CRPPA: variants seen among roughly 807,000 people sequenced by gnomAD.
The protein encoded by CRPPA is CDP-L-ribitol pyrophosphorylase A, also known as D-ribitol-5-phosphate cytidylyltransferase.
Under a neutral mutation model 52.0 loss-of-function variants are expected in CRPPA, and 43 were observed. The observed-to-expected ratio is 0.83, with a 90% CI of 0.65 to 1.07. CRPPA has a LOEUF of 1.07. Ranked by LOEUF, CRPPA falls within the 50% of genes least tolerant of loss-of-function variation. The pLI is 0.00. For missense variants in CRPPA, 629 were observed against 551.7 expected (o/e 1.14, Z -1.40); for synonymous variants, 250 against 203.5 (o/e 1.23, Z -1.94).
chr7:16,406,541 G>A (rs1331946570), intron 1 of CRPPA, among the ~76,000 whole-genome samples: 3 of 152,134 alleles, frequency 2.0e-5, no homozygotes, highest in African/African-American at 7.2e-5. Context: ...TATAGCTCTA[G>A]ATAGTGTTTC....
chr7:16,266,760 C>T (rs1346985719), intron 6 of CRPPA, among the ~76,000 whole-genome samples: 1 of 152,150 alleles, frequency 6.6e-6, no homozygotes, highest in Non-Finnish European at 1.5e-5. Flanking sequence ...ATTACAGGCA[C>T]GAGCCACCGT....
intron 8 of CRPPA, among the ~76,000 whole-genome samples, chr7:16,243,735 G>A (rs1783191234): frequency 6.6e-6 from 1 of 152,172 alleles, no homozygotes; most frequent in South Asian, 2.1e-4. Flanking sequence ...GGAGGCCAAG[G>A]TGGAAAGATT....
At position 16,241,970 on chromosome 7, in the gene CRPPA, T is replaced by TTTTTTTTTTG. The variant is rs1241010922; in HGVS notation, c.1119+16419_1119+16420insCAAAAAAAAA. 1.4e-3 allele frequency among the ~76,000 whole-genome samples: 145 copies of TTTTTTTTTTG among 104,900 alleles called. 11 individuals are homozygous for TTTTTTTTTTG. The highest frequency in any genetic ancestry group is 2.2e-3 in the Non-Finnish European group (117 of 53,594). The allele number at this position is 104,900 out of a possible 152,430, so 68.8% of individuals were successfully genotyped here. A position where few individuals can be genotyped will look rare whatever the true frequency, so the allele number is the denominator to read the frequency against. On this transcript the variant is annotated intron_variant, in intron 8 of 9. Transcript: ENST00000407010. ...TCTTTTTTTTTTTTTTTTTTTTTTGTTGGGGGGAGATAGAGTCTCGCTCTG... is the reference window on the plus strand; with the variant it reads ...TCTTTTTTTTTTTTTTTTTTTTTTGTTTTTTTTTTGTGGGGGGAGATAGAGTCTCGCTCTG...
intron 2 of CRPPA, among the ~76,000 whole-genome samples, chr7:16,389,252 G>A (rs1787375233): frequency 6.6e-6 from 1 of 152,102 alleles, no homozygotes; most frequent in South Asian, 2.1e-4. Context: ...CATTCTGTAA[G>A]ACCAGTATTA....
chr7:16,367,990 A>C (rs1786654313), intron 3 of CRPPA, among the ~76,000 whole-genome samples: 1 of 152,138 alleles, frequency 6.6e-6, no homozygotes, highest in Non-Finnish European at 1.5e-5. Flanking sequence ...ATTTTCATTC[A>C]AACCTAATTG....
intron 3 of CRPPA, among the ~76,000 whole-genome samples, chr7:16,370,260 A>C (rs1786714465): frequency 6.6e-6 from 1 of 152,208 alleles, no homozygotes; most frequent in South Asian, 2.1e-4. Flanking sequence ...CACAGATAGG[A>C]GTGCAGGATC....
chr7:16,165,886 T>G (rs897296634), intron 9 of CRPPA, among the ~76,000 whole-genome samples: 2 of 152,242 alleles, frequency 1.3e-5, no homozygotes, highest in Non-Finnish European at 2.9e-5. Context: ...TTTCAACCTG[T>G]AAAATCTTCC....
At chr7:16,164,672 T>C (rs1317755749) in intron 9 of CRPPA, among the ~76,000 whole-genome samples, 1 of 152,178 alleles carries the variant, frequency 6.6e-6, no homozygotes, top group Non-Finnish European at 1.5e-5. Context: ...TTGATGTTGG[T>C]GACTTTCGGA....
chr7:16,164,923 C>A (rs913201471), intron 9 of CRPPA, among the ~76,000 whole-genome samples: 3 of 151,998 alleles, frequency 2.0e-5, no homozygotes, highest in Admixed American at 6.5e-5. Context: ...CCAGAGCCCT[C>A]CTGTAGGAGG....
chr7:16,354,188 A>G (rs1786236958), intron 3 of CRPPA, among the ~76,000 whole-genome samples: 1 of 152,204 alleles, frequency 6.6e-6, no homozygotes, highest in African/African-American at 2.4e-5. Flanking sequence ...GAAACAAATG[A>G]TGGCAAGAAT....
At position 16,421,324 on chromosome 7, in the gene CRPPA, G is replaced by A; in HGVS notation, c.-2C>T. ...GCTGCCCGGCGGCCCGGCCTCCATGGCTGCGGGCGGAACGGCGAGCCCCGC... is the reference window on the plus strand; with the variant it reads ...GCTGCCCGGCGGCCCGGCCTCCATGACTGCGGGCGGAACGGCGAGCCCCGC... On this transcript the variant is annotated 5_prime_UTR_variant, in exon 1 of 10. Coordinates refer to ENST00000407010, the MANE Select transcript of CRPPA (RefSeq NM_001101426.4). 1 of 1,248,820 alleles carries A rather than the reference G, an allele frequency of 8.0e-7. No individual in the cohort carries two copies. Among genetic ancestry groups the A allele is most frequent in the Non-Finnish European group, 1.0e-6 (1 of 993,486 alleles). The allele number at this position is 1,248,820 out of a possible 1,614,324, so 77.4% of individuals were successfully genotyped here.
At chr7:16,353,623 G>A (rs185769695) in intron 3 of CRPPA, among the ~76,000 whole-genome samples, 33 of 152,288 alleles carry the variant, frequency 2.2e-4, no homozygotes, top group South Asian at 4.1e-4. Context: ...GCCAAGGCGG[G>A]TGGATCACCT....
chr7:16,148,814 T>C (rs1324504291), intron 9 of CRPPA, among the ~76,000 whole-genome samples: 2 of 152,088 alleles, frequency 1.3e-5, no homozygotes, highest in Non-Finnish European at 2.9e-5. Context: ...GTTAGGTGGA[T>C]TTTAAATGTT....
chr7:16,352,676 T>C (rs1357928762), intron 3 of CRPPA, among the ~76,000 whole-genome samples: 7 of 152,278 alleles, frequency 4.6e-5, no homozygotes, highest in East Asian at 1.9e-4. Flanking sequence ...TACAGCCACT[T>C]TGGAAAACAG....
intron 9 of CRPPA, among the ~76,000 whole-genome samples, chr7:16,214,541 A>G (rs1212628181): frequency 6.6e-6 from 1 of 152,058 alleles, no homozygotes; most frequent in Non-Finnish European, 1.5e-5. Flanking sequence ...TCTTTTTCCC[A>G]GACTGGTGTG....
intron 2 of CRPPA, among the ~76,000 whole-genome samples, chr7:16,399,632 C>T (rs896297199): frequency 7.9e-5 from 12 of 151,912 alleles, no homozygotes; most frequent in South Asian, 2.1e-4. Context: ...ACCCGATCGA[C>T]ACATGATCGA....
intron 3 of CRPPA, among the ~76,000 whole-genome samples, chr7:16,339,251 A>C (rs1378147824): frequency 1.3e-5 from 2 of 152,202 alleles, no homozygotes; most frequent in African/African-American, 4.8e-5. Flanking sequence ...AAGAAAAAAA[A>C]ATAACTACAG....
In CRPPA at chr7:16,270,933, C is replaced by T. The variant is rs148822561; in HGVS notation, c.933+7196G>A. On this transcript the variant is annotated intron_variant, in intron 6 of 9. Transcript: ENST00000407010. ...TGTGTTGTTTGACTAATATGTCATA[C>T]GGTGAATTTACTGAGGTCTATAACA... Among the ~76,000 whole-genome samples, 89 of 151,782 alleles carry T rather than the reference C, an allele frequency of 5.9e-4. No individual in the cohort carries two copies. The East Asian group carries it at 0.015, about 26-fold the overall frequency.
At chr7:16,255,253 C>G (rs1783604800) in intron 8 of CRPPA, among the ~76,000 whole-genome samples, 1 of 152,112 alleles carries the variant, frequency 6.6e-6, no homozygotes, top group Non-Finnish European at 1.5e-5. Context: ...AAGAGCTCTT[C>G]AAGGAGAACT....
Sources: gnomAD v4.1 joint callset for allele counts (sites outside exome capture counted in the v4.1 genomes callset) on GRCh38, gnomAD v4.1.1 for gene constraint, MANE v1.5 for transcripts, NCBI Gene and HGNC (gene_info 2026-07-23, HGNC 2026-07-21) for gene names.